The following EXOC4 variants were observed in gnomAD, a reference collection of about 807,000 sequenced individuals.
EXOC4 encodes the protein exocyst complex component 4.
Under a neutral mutation model 107.2 loss-of-function variants are expected in EXOC4, and 71 were observed. The observed-to-expected ratio is 0.66, with a 90% confidence interval of 0.55 to 0.81. The LOEUF is 0.81. EXOC4 is among the 30% of genes least tolerant of loss of function. The pLI, the probability that EXOC4 is intolerant of heterozygous loss-of-function variation, is 0.00. For missense variants in EXOC4, 1,108 were observed against 1,189.6 expected (o/e 0.93, Z 1.01); for synonymous variants, 456 against 441.2 (o/e 1.03, Z -0.42).
intron 6 of EXOC4, among the ~76,000 whole-genome samples, chr7:133,368,624 G>A (rs777795472): frequency 2.0e-5 from 3 of 152,134 alleles, no homozygotes; most frequent in Non-Finnish European, 2.9e-5. Flanking sequence ...ATGATGTCTT[G>A]AAAGTCCCAT....
chr7:134,074,383 AAG>A, the EXOC4 span, among the ~76,000 whole-genome samples: 1 of 152,086 alleles, frequency 6.6e-6, no homozygotes. Flanking sequence ...TCTGAGGATA[AAG>A]AGAGCCTGGA....
chr7:133,487,261 T>C (rs371402014), intron 9 of EXOC4, among the ~76,000 whole-genome samples: 9 of 152,330 alleles, frequency 5.9e-5, no homozygotes, highest in African/African-American at 2.2e-4. Flanking sequence ...ACAGAACCAG[T>C]TGATGACATC....
In EXOC4 at chr7:133,805,218, A is replaced by G. The variant is rs539848835; in HGVS notation, c.1515-12107A>G. 3.3e-5 allele frequency among the ~76,000 whole-genome samples: 5 copies of G among 152,338 alleles called. No individual in the cohort carries two copies. In the East Asian group the frequency reaches 9.6e-4, roughly 29 times the overall value. Reference sequence around the variant, plus strand: ...TCTGGGAAAACTTTGTGAGTGACTTAGTTTTGAAGTGGTCCTTGAAGAAAG... The same window carrying G: ...TCTGGGAAAACTTTGTGAGTGACTTGGTTTTGAAGTGGTCCTTGAAGAAAG... On this transcript the variant is annotated intron_variant, in intron 10 of 17. Coordinates refer to ENST00000253861, the MANE Select transcript of EXOC4 (RefSeq NM_021807.4).
chr7:133,574,099 G>A (rs1801078533), intron 9 of EXOC4, among the ~76,000 whole-genome samples: 1 of 152,104 alleles, frequency 6.6e-6, no homozygotes, highest in Admixed American at 6.5e-5. Flanking sequence ...TTAATAGTTT[G>A]TAATTATTAA....
At chr7:133,868,273 A>C (rs766558292) in intron 11 of EXOC4, among the ~76,000 whole-genome samples, 25 of 152,222 alleles carry the variant, frequency 1.6e-4, no homozygotes, top group Non-Finnish European at 2.4e-4. Flanking sequence ...CAGACTCCAC[A>C]GAGAATGATT....
intron 17 of EXOC4, 46 bp from the exon 18 acceptor site, chr7:134,064,245 T>G: frequency 7.6e-7 from 1 of 1,308,432 alleles, no homozygotes; most frequent in South Asian, 1.9e-5. Flanking sequence ...CGAGACGACG[T>G]TACCAGTGGG....
At chr7:133,693,819 C>T (rs1794472801) in intron 10 of EXOC4, among the ~76,000 whole-genome samples, 2 of 152,278 alleles carry the variant, frequency 1.3e-5, no homozygotes, top group Admixed American at 6.5e-5. Context: ...GAAGACACAA[C>T]TAAGGTCTCA....
intron 9 of EXOC4, among the ~76,000 whole-genome samples, chr7:133,550,210 G>C (rs1341517258): frequency 2.0e-5 from 3 of 152,106 alleles, no homozygotes; most frequent in Non-Finnish European, 2.9e-5. Flanking sequence ...AGCCCTCTGA[G>C]AGCAGGCACC....
chr7:134,013,869 T>C (rs1794830350), intron 17 of EXOC4, among the ~76,000 whole-genome samples: 1 of 150,582 alleles, frequency 6.6e-6, no homozygotes, highest in South Asian at 2.1e-4. Context: ...GCTGTAACAA[T>C]AAAAAAAAAG....
intron 9 of EXOC4, among the ~76,000 whole-genome samples, chr7:133,548,690 C>A (rs1420952087): frequency 6.6e-6 from 1 of 152,228 alleles, no homozygotes; most frequent in Non-Finnish European, 1.5e-5. Flanking sequence ...TTTTCTTCTG[C>A]AGCTTTCTCA....
intron 3 of EXOC4, among the ~76,000 whole-genome samples, chr7:133,299,670 TA>T (rs1196702471): frequency 1.3e-5 from 2 of 152,194 alleles, no homozygotes; most frequent in African/African-American, 2.4e-5. Context: ...GAAGATACTT[TA>T]AAGAATAAAT....
chr7:133,419,870 C>T (rs1797562115), intron 7 of EXOC4, among the ~76,000 whole-genome samples: 1 of 152,038 alleles, frequency 6.6e-6, no homozygotes, highest in Non-Finnish European at 1.5e-5. Flanking sequence ...TGAGATGGTT[C>T]CTCTGCTTCA....
At chr7:133,864,688 A>G (rs962139786) in intron 11 of EXOC4, among the ~76,000 whole-genome samples, 1 of 152,208 alleles carries the variant, frequency 6.6e-6, no homozygotes, top group African/African-American at 2.4e-5. Flanking sequence ...TTCTGTCACT[A>G]AAACTTTGGA....
At chr7:133,641,322 G>A (rs1280412278) in intron 10 of EXOC4, among the ~76,000 whole-genome samples, 2 of 152,080 alleles carry the variant, frequency 1.3e-5, no homozygotes, top group Non-Finnish European at 2.9e-5. Context: ...AATGTATAAG[G>A]CAAATTGGAT....
intron 10 of EXOC4, among the ~76,000 whole-genome samples, chr7:133,693,014 G>T (rs1794454097): frequency 6.6e-6 from 1 of 152,140 alleles, no homozygotes; most frequent in African/African-American, 2.4e-5. Context: ...CATGCCCCTT[G>T]TATTAGGGTT....
intron 11 of EXOC4, among the ~76,000 whole-genome samples, chr7:133,859,867 A>G (rs1334015798): frequency 1.3e-5 from 2 of 152,200 alleles, no homozygotes; most frequent in African/African-American, 4.8e-5. Flanking sequence ...TAAGTGTAAT[A>G]GTCGATGTTG....
At chr7:133,379,192 C>T (rs1322581394) in intron 7 of EXOC4, among the ~76,000 whole-genome samples, 1 of 152,064 alleles carries the variant, frequency 6.6e-6, no homozygotes, top group Admixed American at 6.6e-5. Context: ...GTTATCTACT[C>T]TGCTGTCTAT....
intron 11 of EXOC4, among the ~76,000 whole-genome samples, chr7:133,870,577 G>T (rs1028749330): frequency 6.6e-6 from 1 of 152,016 alleles, no homozygotes; most frequent in Non-Finnish European, 1.5e-5. Context: ...ATCTAAAGAG[G>T]GTCATTTTAT....
intron 7 of EXOC4, among the ~76,000 whole-genome samples, chr7:133,456,865 A>T (rs1045801598): frequency 2.6e-5 from 4 of 152,194 alleles, no homozygotes; most frequent in Non-Finnish European, 4.4e-5. Context: ...TAGGCCATAG[A>T]ATTTGAAGAA....
Sources: allele counts gnomAD v4.1 joint callset (sites outside exome capture counted in the v4.1 genomes callset), GRCh38; gene constraint gnomAD v4.1.1; transcripts MANE v1.5; gene names NCBI Gene and HGNC (gene_info 2026-07-23, HGNC 2026-07-21).